Variants in MOCOS observed in about 807,000 individuals in gnomAD.
MOCOS encodes human molybdenum cofactor sulfurase.
A neutral mutation model predicts 83.6 loss-of-function variants in MOCOS; 86 were observed. The observed-to-expected ratio is 1.03, with a 90% CI of 0.86 to 1.23. The LOEUF (loss-of-function observed/expected upper bound fraction) is 1.23, where lower values mean the gene tolerates loss of function less well. Among genes scored for constraint, MOCOS ranks in the 50% most tolerant of loss-of-function variants. The pLI, the probability that MOCOS is intolerant of heterozygous loss-of-function variation, is 0.00. For missense variants in MOCOS, 1,120 were observed against 1,126.9 expected, an observed-to-expected ratio of 0.99 and a Z score of 0.09; for synonymous variants, 445 against 434.7, an observed-to-expected ratio of 1.02 and a Z score of -0.29.
intron 9 of MOCOS, among the ~76,000 whole-genome samples, chr18:36,222,750 C>T (rs924212755): frequency 7.2e-5 from 11 of 151,968 alleles, no homozygotes; most frequent in Non-Finnish European, 1.5e-4. Context: ...TACAGGCGCC[C>T]GCCACTACGC....
intron 3 of MOCOS, 99 bp downstream of exon 3, chr18:36,198,855 A>G: frequency 7.6e-7 from 1 of 1,314,868 alleles, no homozygotes; most frequent in East Asian, 2.4e-5. Context: ...AGTTGGTTTC[A>G]GGAGGATCAC....
chr18:36,208,812 A>G (rs945967481), intron 6 of MOCOS, among the ~76,000 whole-genome samples: 1 of 152,196 alleles, frequency 6.6e-6, no homozygotes, highest in Non-Finnish European at 1.5e-5. Flanking sequence ...TGCTGTGGCT[A>G]GGACTTCCAG....
intron 14 of MOCOS, among the ~76,000 whole-genome samples, chr18:36,267,704 T>C (rs959945745): frequency 6.6e-6 from 1 of 152,216 alleles, no homozygotes; most frequent in African/African-American, 2.4e-5. Context: ...ACCTTGAGCC[T>C]GCACCATGCA....
rs375374496 is a variant in MOCOS, at chr18:36,229,299, G to T, written c.1960+9082G>T. ...CTTGGTATGGTATTCTTGTTGGCAG[G>T]TTTGTTTCTTTTAATAGTTTGAATA... On this transcript the variant is annotated intron_variant, in intron 9 of 14. Coordinates refer to ENST00000261326, the MANE Select transcript of MOCOS (RefSeq NM_017947.4). Among the ~76,000 whole-genome samples the T allele has an allele frequency of 4.1e-4, 63 of 152,036 alleles. 1 individual carries two copies. The highest frequency in any genetic ancestry group is 1.4e-3 in the African/African-American group (60 of 41,470).
At chr18:36,255,904 T>A (rs147327910) in intron 11 of MOCOS, among the ~76,000 whole-genome samples, 7 of 79,336 alleles carry the variant, frequency 8.8e-5, no homozygotes, top group South Asian at 3.4e-4. Flanking sequence ...TTTTTTTTTT[T>A]AGACAGTTTT....
intron 13 of MOCOS, among the ~76,000 whole-genome samples, chr18:36,261,876 T>C (rs1327742430): frequency 6.6e-6 from 1 of 151,716 alleles, no homozygotes. Flanking sequence ...AGACACTAAA[T>C]ATACATTATC....
At chr18:36,213,251 A>T in intron 6 of MOCOS, 115 bp from the exon 7 acceptor site, 1 of 827,116 alleles carries the variant, frequency 1.2e-6, no homozygotes, top group Non-Finnish European at 2.1e-6. Flanking sequence ...GGACAATTCC[A>T]GGCTTGTATC....
intron 7 of MOCOS, 93 bp downstream of exon 7, chr18:36,213,575 A>C: frequency 9.9e-7 from 1 of 1,008,998 alleles, no homozygotes; most frequent in South Asian, 1.3e-5. Flanking sequence ...CTGCTGCTGC[A>C]TACTCATTTC....
chr18:36,218,159 G>A (rs1338723449), intron 8 of MOCOS, among the ~76,000 whole-genome samples: 1 of 152,204 alleles, frequency 6.6e-6, no homozygotes, highest in Non-Finnish European at 1.5e-5. Context: ...CAGGTCAGCT[G>A]TAGGCTGGGA....
rs2091400076 is a variant in MOCOS, at chr18:36,198,689, G to A, written c.233-1G>A. Reference sequence around the variant, plus strand: ...GTGGCCTTGTCTTTGTAACCTGCCAGGTAATCCTCACAGCCAGAACATCAG... The same window carrying A: ...GTGGCCTTGTCTTTGTAACCTGCCAAGTAATCCTCACAGCCAGAACATCAG... On this transcript the variant is annotated splice_acceptor_variant, in intron 2 of 14. Transcript: ENST00000261326. LOFTEE classifies it high-confidence loss of function. 2 of 1,614,022 alleles carry A rather than the reference G, an allele frequency of 1.2e-6. No individual in the cohort carries two copies. The highest frequency in any genetic ancestry group is 1.7e-6 in the Non-Finnish European group (2 of 1,180,026).
rs886037854 is a variant in MOCOS at position 36,195,283 on chromosome 18, G to C, written c.169G>C (p.Ala57Pro). Reference protein sequence around the residue: ...AGTVYLDHAGATLFSQSQLES... With the variant: ...AGTVYLDHAGPTLFSQSQLES... ...AACTGTCTATCTTGACCATGCAGGTGCCACCTTGTTCTCCCAGAGCCAGCT... is the reference window on the plus strand; with the variant it reads ...AACTGTCTATCTTGACCATGCAGGTCCCACCTTGTTCTCCCAGAGCCAGCT... Residue 57 changes from alanine to proline, a missense_variant, in exon 2 of 15, where the codon GCC becomes CCC. Physicochemically the swap from Ala to Pro is conservative, Grantham distance 27. Coordinates refer to ENST00000261326, the MANE Select transcript of MOCOS (RefSeq NM_017947.4). 1 of 1,614,088 alleles carries C rather than the reference G, an allele frequency of 6.2e-7. No individual in the cohort carries two copies. Among genetic ancestry groups the C allele is most frequent in the East Asian group, 2.2e-5 (1 of 44,886 alleles).
At chr18:36,220,933 G>GAA (rs71712889) in intron 9 of MOCOS, among the ~76,000 whole-genome samples, 3,694 of 144,770 alleles carry the variant, frequency 0.026, 91 homozygotes, top group Non-Finnish European at 0.039. Context: ...TGTCTCAAAA[G>GAA]AAAAAAAAAA....
intron 8 of MOCOS, among the ~76,000 whole-genome samples, chr18:36,217,470 G>T (rs1285137164): frequency 6.6e-6 from 1 of 152,018 alleles, no homozygotes; most frequent in Non-Finnish European, 1.5e-5. Context: ...TGTGTGCACT[G>T]CAGGGACATC....
chr18:36,198,249 C>T (rs750176908), intron 2 of MOCOS, among the ~76,000 whole-genome samples: 9 of 152,024 alleles, frequency 5.9e-5, no homozygotes, highest in Non-Finnish European at 1.3e-4. Flanking sequence ...AAAAGTTAGC[C>T]AGGTGTAGTT....
chr18:36,214,342 C>A (rs2091467711), intron 7 of MOCOS, among the ~76,000 whole-genome samples: 1 of 151,918 alleles, frequency 6.6e-6, no homozygotes, highest in African/African-American at 2.4e-5. Flanking sequence ...TGAGGCCAAC[C>A]ATTTAAAGGC....
At chr18:36,258,986 C>T (rs906067022) in intron 12 of MOCOS, among the ~76,000 whole-genome samples, 19 of 151,840 alleles carry the variant, frequency 1.3e-4, no homozygotes, top group African/African-American at 4.4e-4. Flanking sequence ...GCTAGTTTCA[C>T]CCATTCTTCA....
intron 6 of MOCOS, among the ~76,000 whole-genome samples, chr18:36,207,853 C>T (rs1451809374): frequency 6.6e-6 from 1 of 152,176 alleles, no homozygotes; most frequent in Admixed American, 6.5e-5. Context: ...GAGTCTTCAT[C>T]ATGAAGTCTT....
In MOCOS at chr18:36,187,551, G is replaced by C; in HGVS notation, c.12G>C (p.Ala4=). Residue 4 remains alanine (A), a synonymous_variant, in exon 1 of 15, where the codon GCG becomes GCC. Coordinates refer to ENST00000261326, the MANE Select transcript of MOCOS (RefSeq NM_017947.4). ...GACTAGCCGGGGCCATGGCCGGCGC[G>C]GCGGCGGAGTCAGGGCGGGAGCTGT... MAG[A]AAESGRELWT... is the part of the protein sequence containing the mutation. 2 of 1,238,542 alleles carry C rather than the reference G, an allele frequency of 1.6e-6. No homozygotes were observed. Among genetic ancestry groups the C allele is most frequent in the African/African-American group, 1.5e-5 (1 of 64,702 alleles). 76.7% of individuals were successfully genotyped at this position (1,238,542 alleles called of 1,614,324 possible).
At chr18:36,229,757 T>C (rs1163274818) in intron 9 of MOCOS, among the ~76,000 whole-genome samples, 1 of 151,998 alleles carries the variant, frequency 6.6e-6, no homozygotes, top group African/African-American at 2.4e-5. Flanking sequence ...AGTTTGCTTA[T>C]CTTTTCTTTT....
Sources: allele counts gnomAD v4.1 joint callset (sites outside exome capture counted in the v4.1 genomes callset), GRCh38; gene constraint gnomAD v4.1.1; transcripts MANE v1.5; gene names NCBI Gene and HGNC (gene_info 2026-07-23, HGNC 2026-07-21).